Variants in ZZZ3 observed in about 807,000 individuals in gnomAD.
ZZZ3 encodes ZZ-type zinc finger-containing protein 3.
ZZZ3 carries 22 observed loss-of-function variants against 95.2 expected under a neutral mutation model. The observed-to-expected ratio is 0.23, with a 90% CI of 0.17 to 0.33. The LOEUF (loss-of-function observed/expected upper bound fraction) is 0.33, where lower values mean the gene tolerates loss of function less well. ZZZ3 is among the 10% of genes least tolerant of loss of function. ZZZ3 has a pLI of 1.00. For missense variants in ZZZ3, 885 were observed against 1,066.5 expected, an observed-to-expected ratio of 0.83 and a Z score of 2.37; for synonymous variants, 335 against 358.9, an observed-to-expected ratio of 0.93 and a Z score of 0.75.
chr1:77,643,796 T>A (rs2100918213), intron 1 of ZZZ3, among the ~76,000 whole-genome samples: 1 of 152,272 alleles, frequency 6.6e-6, no homozygotes, highest in South Asian at 2.1e-4. Context: ...CACAACTTAC[T>A]ATTAAAATAA....
At chr1:77,604,680 A>G (rs1239928749) in intron 5 of ZZZ3, among the ~76,000 whole-genome samples, 3 of 152,184 alleles carry the variant, frequency 2.0e-5, no homozygotes, top group African/African-American at 4.8e-5. Flanking sequence ...GGCTTACCAC[A>G]CCTCAAAATA....
intron 5 of ZZZ3, among the ~76,000 whole-genome samples, chr1:77,593,234 T>C (rs147046520): frequency 1.3e-5 from 2 of 152,288 alleles, no homozygotes; most frequent in East Asian, 3.9e-4. Flanking sequence ...AAGATGTACA[T>C]ACCCTAAGAT....
At chr1:77,597,067 T>C (rs939817413) in intron 5 of ZZZ3, among the ~76,000 whole-genome samples, 4 of 152,040 alleles carry the variant, frequency 2.6e-5, no homozygotes, top group African/African-American at 9.7e-5. Context: ...TGGCCGATTC[T>C]AGAACTAAGG....
intron 5 of ZZZ3, among the ~76,000 whole-genome samples, chr1:77,609,243 T>A (rs1473937346): frequency 6.6e-6 from 1 of 152,078 alleles, no homozygotes; most frequent in Non-Finnish European, 1.5e-5. Flanking sequence ...AGCTATACTT[T>A]TATCAAACAA....
At chr1:77,624,297 T>G (rs915445380) in intron 5 of ZZZ3, among the ~76,000 whole-genome samples, 1 of 152,156 alleles carries the variant, frequency 6.6e-6, no homozygotes, top group African/African-American at 2.4e-5. Context: ...TCCTGGATGA[T>G]AGGAGACCCT....
chr1:77,639,320 G>A, intron 4 of ZZZ3, 129 bp downstream of exon 4: 1 of 616,588 alleles, frequency 1.6e-6, no homozygotes. Context: ...CCTATAAACA[G>A]CCAGCCAAAC....
intron 5 of ZZZ3, among the ~76,000 whole-genome samples, chr1:77,611,319 C>A (rs190341483): frequency 6.7e-5 from 10 of 148,218 alleles, no homozygotes; most frequent in Admixed American, 6.7e-4. Flanking sequence ...AAGAACTCTA[C>A]GCTGAAAACT....
At chr1:77,580,971 C>G (rs749685309) in intron 9 of ZZZ3, 27 bp downstream of exon 9, 29 of 1,595,072 alleles carry the variant, frequency 1.8e-5, no homozygotes, top group Non-Finnish European at 2.5e-5. Flanking sequence ...TTTTTTTAAG[C>G]CTACACGATT....
chr1:77,666,606 C>T (rs1671271900), intron 1 of ZZZ3, among the ~76,000 whole-genome samples: 1 of 152,106 alleles, frequency 6.6e-6, no homozygotes, highest in South Asian at 2.1e-4. Context: ...TGAAATCTCG[C>T]TCAATAAATA....
At chr1:77,670,346 G>A (rs545022785) in intron 1 of ZZZ3, among the ~76,000 whole-genome samples, 12 of 151,188 alleles carry the variant, frequency 7.9e-5, no homozygotes, top group African/African-American at 2.9e-4. Context: ...TGCAACTTCC[G>A]CCTCCTGGGT....
chr1:77,675,517 T>C (rs943772853), intron 1 of ZZZ3, among the ~76,000 whole-genome samples: 2 of 152,158 alleles, frequency 1.3e-5, no homozygotes, highest in African/African-American at 4.8e-5. Context: ...AATCTCACCA[T>C]AACCCAAGAC....
intron 1 of ZZZ3, among the ~76,000 whole-genome samples, chr1:77,655,524 A>G (rs976079494): frequency 1.3e-5 from 2 of 152,136 alleles, no homozygotes; most frequent in Admixed American, 1.3e-4. Context: ...GGACTTTTCA[A>G]CCTTCAGAAC....
At chr1:77,594,507 A>C (rs1242901138) in intron 5 of ZZZ3, among the ~76,000 whole-genome samples, 1 of 152,134 alleles carries the variant, frequency 6.6e-6, no homozygotes, top group South Asian at 2.1e-4. Context: ...ATAAAAATGA[A>C]AACAGAAACT....
chr1:77,663,749 C>A (rs888969859), intron 1 of ZZZ3, among the ~76,000 whole-genome samples: 1 of 151,400 alleles, frequency 6.6e-6, no homozygotes, highest in South Asian at 2.1e-4. Context: ...ATCAGTAAAC[C>A]CTATTTTTTT....
chr1:77,677,664 A>G (rs201898348), intron 1 of ZZZ3, among the ~76,000 whole-genome samples: 4 of 152,320 alleles, frequency 2.6e-5, no homozygotes, highest in East Asian at 3.9e-4. Context: ...AAACATGTAT[A>G]AATATGTTCT....
intron 5 of ZZZ3, among the ~76,000 whole-genome samples, chr1:77,613,257 T>C (rs1665985371): frequency 6.6e-6 from 1 of 151,990 alleles, no homozygotes. Flanking sequence ...TACTCTTCCA[T>C]TTGCAGAAAA....
chr1:77,589,219 AGCTT>A (rs1663412424), intron 5 of ZZZ3, among the ~76,000 whole-genome samples: 1 of 152,188 alleles, frequency 6.6e-6, no homozygotes, highest in Non-Finnish European at 1.5e-5. Context: ...AAGACATTTT[AGCTT>A]TATATATTTG....
intron 1 of ZZZ3, among the ~76,000 whole-genome samples, chr1:77,676,072 A>G (rs1312620526): frequency 6.6e-6 from 1 of 152,258 alleles, no homozygotes; most frequent in South Asian, 2.1e-4. Context: ...CACTTTAAGC[A>G]TACATCCTAA....
chr1:77,681,000 A>G (rs772649956), intron 1 of ZZZ3, among the ~76,000 whole-genome samples: 11 of 152,136 alleles, frequency 7.2e-5, no homozygotes, highest in Non-Finnish European at 1.2e-4. Flanking sequence ...CAGTACAAAC[A>G]AAAAAAATCT....
Sources: allele counts gnomAD v4.1 joint callset (sites outside exome capture counted in the v4.1 genomes callset), GRCh38; gene constraint gnomAD v4.1.1; transcripts MANE v1.5; gene names NCBI Gene and HGNC (gene_info 2026-07-23, HGNC 2026-07-21).